Variants in TRIM44 observed in about 807,000 individuals in gnomAD.
TRIM44 encodes the protein tripartite motif containing 44, also known as tripartite motif-containing protein 44.
Under a neutral mutation model 37.4 loss-of-function variants are expected in TRIM44, and 13 were observed. The ratio of observed to expected loss-of-function variants is 0.35; its 90% CI spans 0.23 to 0.55. The LOEUF is 0.55. Among genes scored for constraint, TRIM44 ranks in the 20% least tolerant of loss-of-function variants. The pLI is 0.89. For synonymous variants in TRIM44, 175 were observed against 157.2 expected, an observed-to-expected ratio of 1.11 and a Z score of -0.85; for missense variants, 426 against 437.2, an observed-to-expected ratio of 0.97 and a Z score of 0.23.
chr11:35,787,113 G>C (rs1853140607), intron 4 of TRIM44, among the ~76,000 whole-genome samples: 1 of 152,170 alleles, frequency 6.6e-6, no homozygotes, highest in African/African-American at 2.4e-5. Context: ...TGACCTCTGG[G>C]AAAGCGGTGT....
chr11:35,706,813 A>G (rs1317280559), intron 2 of TRIM44, among the ~76,000 whole-genome samples: 2 of 151,856 alleles, frequency 1.3e-5, no homozygotes, highest in African/African-American at 4.8e-5. Context: ...ATCATACTGA[A>G]TGGGCAAAAA....
At chr11:35,688,716 T>C (rs1851608595) in intron 2 of TRIM44, among the ~76,000 whole-genome samples, 1 of 152,218 alleles carries the variant, frequency 6.6e-6, no homozygotes, top group African/African-American at 2.4e-5. Context: ...TCAGTGTACA[T>C]GAAAATCACC....
At chr11:35,726,596 A>G (rs558507151) in intron 3 of TRIM44, among the ~76,000 whole-genome samples, 25 of 152,232 alleles carry the variant, frequency 1.6e-4, no homozygotes, top group African/African-American at 5.5e-4. Flanking sequence ...AGGTGTCTCA[A>G]GCTGGTTGTT....
At chr11:35,675,566 A>G (rs1395031248) in intron 1 of TRIM44, among the ~76,000 whole-genome samples, 2 of 152,102 alleles carry the variant, frequency 1.3e-5, no homozygotes, top group Non-Finnish European at 2.9e-5. Context: ...TTGTTTGTTC[A>G]TTTGAGACGG....
chr11:35,798,107 CA>C (rs1853316976), intron 4 of TRIM44, among the ~76,000 whole-genome samples: 1 of 152,086 alleles, frequency 6.6e-6, no homozygotes, highest in Non-Finnish European at 1.5e-5. Context: ...TCCAGAAAGG[CA>C]GGACAACTTG....
intron 2 of TRIM44, among the ~76,000 whole-genome samples, chr11:35,697,666 A>G (rs1389867525): frequency 6.6e-6 from 1 of 150,886 alleles, no homozygotes; most frequent in Non-Finnish European, 1.5e-5. Flanking sequence ...ATGTGTTCTC[A>G]TTGTTCAATT....
At chr11:35,674,753 G>A (rs540553068) in intron 1 of TRIM44, among the ~76,000 whole-genome samples, 2 of 152,302 alleles carry the variant, frequency 1.3e-5, no homozygotes, top group East Asian at 3.9e-4. Context: ...AGAAGAATAA[G>A]CAAAGTTTCT....
chr11:35,689,138 A>G (rs577292429), intron 2 of TRIM44, among the ~76,000 whole-genome samples: 2 of 152,316 alleles, frequency 1.3e-5, no homozygotes, highest in East Asian at 3.9e-4. Context: ...AGCAAAGCCA[A>G]AAAGAGGGAA....
intron 4 of TRIM44, among the ~76,000 whole-genome samples, chr11:35,753,596 C>A (rs765138798): frequency 2.0e-5 from 3 of 152,140 alleles, no homozygotes; most frequent in South Asian, 2.1e-4. Flanking sequence ...GGCAAGTATT[C>A]TCTTGCTTCT....
intron 3 of TRIM44, among the ~76,000 whole-genome samples, chr11:35,734,620 C>T (rs1852307151): frequency 6.6e-6 from 1 of 152,060 alleles, no homozygotes; most frequent in African/African-American, 2.4e-5. Flanking sequence ...TGAATGAGGT[C>T]CCTTGGGAAA....
chr11:35,787,527 T>C (rs1412607178), intron 4 of TRIM44, among the ~76,000 whole-genome samples: 1 of 152,156 alleles, frequency 6.6e-6, no homozygotes, highest in Non-Finnish European at 1.5e-5. Flanking sequence ...TAATTCTGAC[T>C]GTCTTCACCA....
At chr11:35,786,830 G>A (rs1175428177) in intron 4 of TRIM44, among the ~76,000 whole-genome samples, 1 of 151,998 alleles carries the variant, frequency 6.6e-6, no homozygotes, top group Non-Finnish European at 1.5e-5. Flanking sequence ...GCAGGAGAGT[G>A]GTTGGCAGAT....
chr11:35,756,412 C>T lies in TRIM44; in HGVS notation c.1007+20967C>T, dbSNP rs555191908. On this transcript the variant is annotated intron_variant, in intron 4 of 4. Coordinates refer to ENST00000299413, the MANE Select transcript of TRIM44 (RefSeq NM_017583.6). ...AGCTTAAGGAGATTTTGGGCTGAGA[C>T]GATGGGGTTTTCTAGATATATAATC... Among the ~76,000 whole-genome samples, 295 of 152,262 alleles carry T rather than the reference C, an allele frequency of 1.9e-3. 3 individuals carry two copies. The highest frequency in any genetic ancestry group is 6.7e-3 in the African/African-American group (278 of 41,548).
At chr11:35,691,992 T>C (rs1472517936) in intron 2 of TRIM44, among the ~76,000 whole-genome samples, 1 of 152,194 alleles carries the variant, frequency 6.6e-6, no homozygotes, top group African/African-American at 2.4e-5. Flanking sequence ...GTATAGGTAC[T>C]TGAAGTAGTT....
chr11:35,726,455 C>T (rs1242465312), intron 3 of TRIM44, among the ~76,000 whole-genome samples: 1 of 152,034 alleles, frequency 6.6e-6, no homozygotes, highest in Non-Finnish European at 1.5e-5. Context: ...AGAGGGCAAG[C>T]GACAGACCCC....
chr11:35,771,416 T>C (rs1381479216), intron 4 of TRIM44, among the ~76,000 whole-genome samples: 2 of 152,148 alleles, frequency 1.3e-5, no homozygotes, highest in African/African-American at 4.8e-5. Flanking sequence ...AAAAGGTGAC[T>C]TGGGTGCCAT....
At chr11:35,726,314 G>A (rs551816529) in intron 3 of TRIM44, 151 bp downstream of exon 3, 245 of 1,041,380 alleles carry the variant, frequency 2.4e-4, no homozygotes, top group Non-Finnish European at 3.0e-4. Flanking sequence ...CAGTATGGAA[G>A]TATTGGCCAC....
intron 1 of TRIM44, among the ~76,000 whole-genome samples, chr11:35,664,493 TGA>T (rs1277306055): frequency 6.6e-6 from 1 of 152,212 alleles, no homozygotes; most frequent in African/African-American, 2.4e-5. Flanking sequence ...TTACTATCAT[TGA>T]GAGAAACTGC....
chr11:35,747,429 A>G (rs1261531463), intron 4 of TRIM44, among the ~76,000 whole-genome samples: 1 of 152,220 alleles, frequency 6.6e-6, no homozygotes, highest in Admixed American at 6.5e-5. Flanking sequence ...CTCAACCTGG[A>G]TTAGAACCCA....
Sources: gnomAD v4.1 joint callset for allele counts (sites outside exome capture counted in the v4.1 genomes callset) on GRCh38, gnomAD v4.1.1 for gene constraint, MANE v1.5 for transcripts, NCBI Gene and HGNC (gene_info 2026-07-23, HGNC 2026-07-21) for gene names.